BCKDHB: variants seen among roughly 807,000 people sequenced by gnomAD.
BCKDHB encodes the protein 2-oxoisovalerate dehydrogenase subunit beta, mitochondrial.
Under a neutral mutation model 48.5 loss-of-function variants are expected in BCKDHB, and 41 were observed. The observed-to-expected ratio is 0.85, with a 90% CI of 0.66 to 1.10. The LOEUF (loss-of-function observed/expected upper bound fraction) is 1.10. Among genes scored for constraint, BCKDHB ranks in the 50% least tolerant of loss-of-function variants. The probability of loss-of-function intolerance (pLI) is 0.00; values close to 1 mark genes in which losing one functional copy is unlikely to be tolerated. For synonymous variants in BCKDHB, 201 were observed against 174.8 expected (o/e 1.15, Z -1.18); for missense variants, 496 against 494.2 (o/e 1.00, Z -0.03).
the BCKDHB span, among the ~76,000 whole-genome samples, chr6:80,446,720 A>ATTTTTTTTTTTTTTTTTTTTTTTTTT: frequency 9.0e-6 from 1 of 111,362 alleles, no homozygotes; most frequent in Non-Finnish European, 1.8e-5. Context: ...CTTCTGGACA[A>ATTTTTTTTTTTTTTTTTTTTTTTTTT]TTTTTTTTTT....
At chr6:80,247,617 G>T (rs1016133805) in intron 8 of BCKDHB, among the ~76,000 whole-genome samples, 2 of 152,112 alleles carry the variant, frequency 1.3e-5, no homozygotes, top group Non-Finnish European at 2.9e-5. Context: ...TCTAAAACAG[G>T]CATAACAATT....
At chr6:80,314,845 G>A (rs569461510) in intron 9 of BCKDHB, among the ~76,000 whole-genome samples, 1 of 152,286 alleles carries the variant, frequency 6.6e-6, no homozygotes, top group South Asian at 2.1e-4. Flanking sequence ...GGAATAGATC[G>A]GGGTCCTGCT....
At chr6:80,210,004 A>G (rs915530661) in intron 8 of BCKDHB, among the ~76,000 whole-genome samples, 1 of 152,012 alleles carries the variant, frequency 6.6e-6, no homozygotes, top group Non-Finnish European at 1.5e-5. Flanking sequence ...ATGTGGAGCA[A>G]TTCAACTCTC....
the BCKDHB span, among the ~76,000 whole-genome samples, chr6:80,466,518 CAA>C: frequency 7.2e-5 from 11 of 152,072 alleles, no homozygotes; most frequent in Non-Finnish European, 1.6e-4. Flanking sequence ...TACACACACA[CAA>C]TATATATATA....
chr6:80,116,890 T>G (rs1769735005), intron 1 of BCKDHB, among the ~76,000 whole-genome samples: 1 of 152,222 alleles, frequency 6.6e-6, no homozygotes, highest in African/African-American at 2.4e-5. Context: ...CAGTACAGCT[T>G]TGGTTAGCAC....
chr6:80,127,333 AT>A, intron 1 of BCKDHB: 2 of 528,356 alleles, frequency 3.8e-6, no homozygotes, highest in South Asian at 4.2e-5. Context: ...TTTACAAAAA[AT>A]TGTTTAATAT....
chr6:80,122,330 G>A (rs1245613416), intron 1 of BCKDHB, among the ~76,000 whole-genome samples: 2 of 152,136 alleles, frequency 1.3e-5, no homozygotes, highest in African/African-American at 4.8e-5. Context: ...TGTTGTGTCT[G>A]TCAGGCTTTG....
chr6:80,222,695 T>C (rs1376763482), intron 8 of BCKDHB, among the ~76,000 whole-genome samples: 2 of 152,174 alleles, frequency 1.3e-5, no homozygotes, highest in Non-Finnish European at 2.9e-5. Flanking sequence ...GTGTTGTAAT[T>C]TTTAATATCC....
chr6:80,300,845 A>T (rs1192897295), intron 9 of BCKDHB, among the ~76,000 whole-genome samples: 1 of 152,226 alleles, frequency 6.6e-6, no homozygotes, highest in Non-Finnish European at 1.5e-5. Flanking sequence ...ATAAATCAAT[A>T]TCAAGAAGAG....
intron 9 of BCKDHB, among the ~76,000 whole-genome samples, chr6:80,277,059 T>C (rs906803493): frequency 1.3e-5 from 2 of 152,086 alleles, no homozygotes; most frequent in Non-Finnish European, 2.9e-5. Flanking sequence ...GTTCTCACTT[T>C]AGGGTATGGG....
chr6:80,205,321 G>A (rs773033057), intron 8 of BCKDHB, among the ~76,000 whole-genome samples: 2 of 151,750 alleles, frequency 1.3e-5, no homozygotes, highest in Non-Finnish European at 2.9e-5. Context: ...CTTTTAATTA[G>A]CTGTGTTTTA....
the BCKDHB span, among the ~76,000 whole-genome samples, chr6:80,362,861 G>A: frequency 5.9e-5 from 9 of 152,100 alleles, no homozygotes; most frequent in Admixed American, 2.0e-4. Context: ...TAAATGTTCT[G>A]TCAACTCCTG....
chr6:80,328,460 T>C (rs1288638722), intron 9 of BCKDHB, among the ~76,000 whole-genome samples: 1 of 152,190 alleles, frequency 6.6e-6, no homozygotes, highest in Admixed American at 6.5e-5. Context: ...AGTTGAGATG[T>C]TTTGTCATTC....
chr6:80,163,608 A>G (rs1406972506), intron 3 of BCKDHB, among the ~76,000 whole-genome samples: 1 of 152,128 alleles, frequency 6.6e-6, no homozygotes, highest in Non-Finnish European at 1.5e-5. Context: ...ATTTAAATTT[A>G]CTAGGTAATC....
intron 3 of BCKDHB, among the ~76,000 whole-genome samples, chr6:80,153,677 T>G (rs148621377): frequency 6.6e-6 from 1 of 152,322 alleles, no homozygotes; most frequent in African/African-American, 2.4e-5. Flanking sequence ...ATAATAGCAT[T>G]ATACATCTTA....
At chr6:80,130,346 G>T (rs1304792415) in intron 3 of BCKDHB, among the ~76,000 whole-genome samples, 1 of 152,068 alleles carries the variant, frequency 6.6e-6, no homozygotes, top group African/African-American at 2.4e-5. Context: ...AGGAGTGAGG[G>T]TCTTTAAAAT....
At chr6:80,433,401 CT>C in the BCKDHB span, among the ~76,000 whole-genome samples, 1 of 152,166 alleles carries the variant, frequency 6.6e-6, no homozygotes, top group Non-Finnish European at 1.5e-5. Context: ...AGAGGCCTTG[CT>C]GAGCTGCCGT....
intron 9 of BCKDHB, among the ~76,000 whole-genome samples, chr6:80,279,663 C>G (rs542754842): frequency 6.6e-6 from 1 of 151,634 alleles, no homozygotes; most frequent in East Asian, 1.9e-4. Flanking sequence ...TCTCACATCC[C>G]TTTTTGACTC....
At chr6:80,191,846 C>T (rs185864252) in intron 6 of BCKDHB, among the ~76,000 whole-genome samples, 4 of 152,280 alleles carry the variant, frequency 2.6e-5, no homozygotes, top group African/African-American at 9.6e-5. Flanking sequence ...CTAAAGTAGG[C>T]TGTGCCTAAT....
Sources: allele counts gnomAD v4.1 joint callset (sites outside exome capture counted in the v4.1 genomes callset), GRCh38; gene constraint gnomAD v4.1.1; transcripts MANE v1.5; gene names NCBI Gene and HGNC (gene_info 2026-07-23, HGNC 2026-07-21).